The following ARB2A variants were observed in gnomAD, a reference collection of about 807,000 sequenced individuals.
The protein encoded by ARB2A is ARB2 cotranscriptional regulator A.
the ARB2A span, among the ~76,000 whole-genome samples, chr5:93,627,479 T>C: frequency 2.7e-5 from 4 of 145,926 alleles, no homozygotes; most frequent in Non-Finnish European, 5.9e-5. Context: ...AGTCTCACTC[T>C]GTCACCTACT....
chr5:93,823,299 C>T, the ARB2A span, among the ~76,000 whole-genome samples: 19 of 152,196 alleles, frequency 1.2e-4, no homozygotes, highest in East Asian at 3.3e-3. Flanking sequence ...AGACAGAATT[C>T]AGAAATTTGG....
chr5:93,780,316 T>C, the ARB2A span, among the ~76,000 whole-genome samples: 1 of 152,226 alleles, frequency 6.6e-6, no homozygotes, highest in African/African-American at 2.4e-5. Context: ...AGGCCAGGGG[T>C]ATGTTGGGAA....
At chr5:93,880,343 A>C in the ARB2A span, among the ~76,000 whole-genome samples, 1 of 151,840 alleles carries the variant, frequency 6.6e-6, no homozygotes, top group Non-Finnish European at 1.5e-5. Flanking sequence ...CAATTCCAAA[A>C]AGTAGAGTGA....
the ARB2A span, among the ~76,000 whole-genome samples, chr5:93,635,731 C>T: frequency 6.6e-5 from 10 of 152,138 alleles, no homozygotes; most frequent in Admixed American, 5.2e-4. Context: ...TGAGCTACTG[C>T]GTCCGGCTAG....
the ARB2A span, among the ~76,000 whole-genome samples, chr5:93,899,181 T>A: frequency 6.6e-6 from 1 of 152,092 alleles, no homozygotes; most frequent in Non-Finnish European, 1.5e-5. Context: ...GTAATGACCA[T>A]ATGTCACCCC....
At chr5:93,753,549 C>T in the ARB2A span, among the ~76,000 whole-genome samples, 1 of 152,192 alleles carries the variant, frequency 6.6e-6, no homozygotes, top group Non-Finnish European at 1.5e-5. Flanking sequence ...TTCTTTACTT[C>T]CAAATCCAAG....
chr5:93,773,343 C>T, the ARB2A span, among the ~76,000 whole-genome samples: 1 of 152,122 alleles, frequency 6.6e-6, no homozygotes, highest in African/African-American at 2.4e-5. Flanking sequence ...GGTGATAAAT[C>T]CTGATTTCCA....
chr5:93,869,349 T>C, the ARB2A span, among the ~76,000 whole-genome samples: 1 of 152,194 alleles, frequency 6.6e-6, no homozygotes, highest in Non-Finnish European at 1.5e-5. Context: ...AATTGTATTT[T>C]ACAGTTACTG....
the ARB2A span, among the ~76,000 whole-genome samples, chr5:94,043,077 C>A: frequency 6.6e-6 from 1 of 151,894 alleles, no homozygotes; most frequent in Non-Finnish European, 1.5e-5. Context: ...GGTTTATAAT[C>A]AACTATAGAA....
At chr5:93,961,264 C>T in the ARB2A span, among the ~76,000 whole-genome samples, 1 of 152,006 alleles carries the variant, frequency 6.6e-6, no homozygotes, top group African/African-American at 2.4e-5. Flanking sequence ...ACCTGTAGTA[C>T]AGATATTCCA....
the ARB2A span, among the ~76,000 whole-genome samples, chr5:94,008,058 A>T: frequency 6.6e-6 from 1 of 152,188 alleles, no homozygotes; most frequent in South Asian, 2.1e-4. Flanking sequence ...ATTAAATATA[A>T]GCCTACATTC....
chr5:94,041,555 T>C, the ARB2A span, among the ~76,000 whole-genome samples: 1 of 152,192 alleles, frequency 6.6e-6, no homozygotes, highest in Non-Finnish European at 1.5e-5. Context: ...AAATACATTG[T>C]CAGAAAAGTA....
At chr5:94,074,227 C>T in the ARB2A span, among the ~76,000 whole-genome samples, 1 of 151,998 alleles carries the variant, frequency 6.6e-6, no homozygotes, top group African/African-American at 2.4e-5. Flanking sequence ...CCTTCCAAAA[C>T]GTTAACATGT....
the ARB2A span, among the ~76,000 whole-genome samples, chr5:93,887,240 T>C: frequency 1.4e-5 from 2 of 143,302 alleles, no homozygotes; most frequent in African/African-American, 2.6e-5. Context: ...TGAAAGCAGA[T>C]GGAGAAGTGA....
At chr5:93,681,709 G>A in the ARB2A span, among the ~76,000 whole-genome samples, 11 of 151,808 alleles carry the variant, frequency 7.2e-5, no homozygotes, top group Non-Finnish European at 1.0e-4. Context: ...TAAGTTCACC[G>A]AGGCCAGGCA....
the ARB2A span, among the ~76,000 whole-genome samples, chr5:93,762,940 C>A: frequency 1.2e-3 from 184 of 152,246 alleles, 1 homozygote; most frequent in African/African-American, 4.3e-3. Flanking sequence ...AATTTCATAT[C>A]CAGCCAAACT....
At chr5:93,622,121 C>CA in the ARB2A span, among the ~76,000 whole-genome samples, 9 of 152,190 alleles carry the variant, frequency 5.9e-5, no homozygotes, top group Admixed American at 3.3e-4. Flanking sequence ...CTATTTTTGA[C>CA]TCCCTGTGAT....
the ARB2A span, among the ~76,000 whole-genome samples, chr5:94,016,458 C>T: frequency 6.6e-6 from 1 of 152,178 alleles, no homozygotes; most frequent in Non-Finnish European, 1.5e-5. Context: ...TGTAAACATG[C>T]AGTAAACTCA....
At chr5:93,889,222 TAA>T in the ARB2A span, among the ~76,000 whole-genome samples, 1 of 151,964 alleles carries the variant, frequency 6.6e-6, no homozygotes, top group South Asian at 2.1e-4. Context: ...GTGTTTGTGT[TAA>T]GAGTGGTATT....
Sources: allele counts gnomAD v4.1 joint callset (sites outside exome capture counted in the v4.1 genomes callset), GRCh38; gene constraint gnomAD v4.1.1; transcripts MANE v1.5; gene names NCBI Gene and HGNC (gene_info 2026-07-23, HGNC 2026-07-21).